The following PRKG1 variants were observed in gnomAD, a reference collection of about 807,000 sequenced individuals.
The protein encoded by PRKG1 is cGMP-dependent protein kinase 1.
PRKG1 carries 35 observed loss-of-function variants against 88.1 expected under a neutral mutation model. That is an observed-to-expected ratio of 0.40 (90% CI 0.30 to 0.53). The LOEUF is 0.53. Ranked by LOEUF, PRKG1 falls within the 20% of genes least tolerant of loss-of-function variation. The pLI is 0.59. For missense variants in PRKG1, 540 were observed against 839.8 expected (o/e 0.64, Z 4.41); for synonymous variants, 303 against 292.5 (o/e 1.04, Z -0.37).
At chr10:51,382,620 G>GT (rs2132631750) in intron 2 of PRKG1, among the ~76,000 whole-genome samples, 1 of 152,302 alleles carries the variant, frequency 6.6e-6, no homozygotes, top group African/African-American at 2.4e-5. Flanking sequence ...ATTAATATTT[G>GT]TGTCAGTTAA....
chr10:51,376,487 A>T (rs1842819250), intron 2 of PRKG1, among the ~76,000 whole-genome samples: 1 of 152,146 alleles, frequency 6.6e-6, no homozygotes, highest in Non-Finnish European at 1.5e-5. Flanking sequence ...CTTGTTTGCT[A>T]TTGAAAAAAA....
intron 4 of PRKG1, among the ~76,000 whole-genome samples, chr10:51,878,497 T>A (rs1841356580): frequency 1.3e-5 from 2 of 152,144 alleles, no homozygotes; most frequent in South Asian, 4.1e-4. Flanking sequence ...AAACTACTCA[T>A]ACAACCATTC....
intron 3 of PRKG1, among the ~76,000 whole-genome samples, chr10:51,471,280 G>C (rs1840042166): frequency 6.6e-6 from 1 of 151,774 alleles, no homozygotes; most frequent in African/African-American, 2.4e-5. Context: ...GTTATAGTTG[G>C]TTTCCACAGT....
chr10:51,285,030 T>G (rs1474294309), intron 2 of PRKG1, among the ~76,000 whole-genome samples: 1 of 43,794 alleles, frequency 2.3e-5, no homozygotes, highest in African/African-American at 8.3e-5. Flanking sequence ...TATCTCCCAA[T>G]GCTACCCCTC....
chr10:51,409,446 G>T (rs144398353), intron 2 of PRKG1, among the ~76,000 whole-genome samples: 28 of 152,222 alleles, frequency 1.8e-4, no homozygotes, highest in Non-Finnish European at 3.7e-4. Context: ...CCGCTTTATG[G>T]CTAGATGGGT....
At chr10:51,006,226 T>C (rs149229818) in intron 1 of PRKG1, among the ~76,000 whole-genome samples, 28 of 152,324 alleles carry the variant, frequency 1.8e-4, no homozygotes, top group African/African-American at 5.8e-4. Context: ...AATCAGCTAA[T>C]ATGTGGGAAG....
chr10:51,419,418 G>A lies in PRKG1; in HGVS notation c.479-48305G>A, dbSNP rs559863454. Reference sequence around the variant, plus strand: ...AACCTCCATGGATAAAGAAGAACATGACGTTTTTTGGTCATTATTATTATT... The same window carrying A: ...AACCTCCATGGATAAAGAAGAACATAACGTTTTTTGGTCATTATTATTATT... On this transcript the variant is annotated intron_variant, in intron 2 of 17. Transcript: ENST00000373980. Among the ~76,000 whole-genome samples, 18 of 152,250 alleles carry A rather than the reference G, an allele frequency of 1.2e-4. No individual in the cohort carries two copies. The South Asian group carries it at 3.3e-3, about 28-fold the overall frequency.
intron 7 of PRKG1, among the ~76,000 whole-genome samples, chr10:52,082,243 G>A (rs889200365): frequency 9.9e-5 from 15 of 152,168 alleles, no homozygotes; most frequent in South Asian, 8.3e-4. Flanking sequence ...GGTCCCTCCC[G>A]CAACATATGG....
intron 3 of PRKG1, among the ~76,000 whole-genome samples, chr10:51,662,643 A>G (rs111673540): frequency 2.5e-4 from 38 of 152,266 alleles, no homozygotes; most frequent in African/African-American, 8.7e-4. Context: ...ACATAAAACC[A>G]TTATATGATC....
chr10:52,251,577 G>A lies in PRKG1; in HGVS notation c.1084G>A (p.Ala362Thr). ...TCACATCAAAAAATCCAGATATGAA[G>A]CTGAAGCGGCTTTCTTCGCCAACCT... ...EDAEAKAKYE[A>T]EAAFFANLKL... is the part of the protein sequence containing the mutation. Residue 362 changes from alanine to threonine, a missense_variant, in exon 10 of 18, where the codon GCT becomes ACT. This residue lies in a region of PRKG1 where 400 missense variants were observed against 562.7 expected (regional missense o/e 0.71). Coordinates refer to ENST00000373980, the MANE Select transcript of PRKG1 (RefSeq NM_006258.4). The A allele has an allele frequency of 6.2e-7, 1 of 1,612,956 alleles. No homozygotes were observed. The highest frequency in any genetic ancestry group is 8.5e-7 in the Non-Finnish European group (1 of 1,179,204).
chr10:52,157,306 GATATATAT>G (rs142784154), intron 8 of PRKG1, among the ~76,000 whole-genome samples: 27 of 125,916 alleles, frequency 2.1e-4, no homozygotes, highest in African/African-American at 6.6e-4. Flanking sequence ...TGAGTTAGTT[GATATATAT>G]ATATATATAT....
chr10:51,932,527 T>G (rs895291671), intron 5 of PRKG1, among the ~76,000 whole-genome samples: 9 of 152,176 alleles, frequency 5.9e-5, no homozygotes, highest in Non-Finnish European at 1.0e-4. Context: ...CTAGATCTGC[T>G]ATACTGCCAC....
chr10:51,629,352 T>G (rs1353567866), intron 3 of PRKG1, among the ~76,000 whole-genome samples: 1 of 152,046 alleles, frequency 6.6e-6, no homozygotes, highest in Non-Finnish European at 1.5e-5. Flanking sequence ...ACACTTCATT[T>G]ATATTATTAC....
rs1346593154 is a variant in PRKG1 at position 50,991,685 on chromosome 10, C to T, written c.266+41C>T. The T allele has an allele frequency of 5.1e-6, 7 of 1,385,950 alleles. No homozygotes were observed. The highest frequency in any genetic ancestry group is 6.6e-6 in the Non-Finnish European group (7 of 1,063,314). The allele number at this position is 1,385,950 out of a possible 1,614,324, so 85.9% of individuals were successfully genotyped here. ...GTGGGCCCGGGCGCTCGTCCCGGCC[C>T]GCGGCGCAGAGGCTGGGGGCTCTGG... On this transcript the variant is annotated intron_variant, in intron 1 of 17. Transcript: ENST00000401604. This position sits in a 1 kb window ranked among gnomAD's most constrained non-coding sequence, Gnocchi z 4.5.
intron 2 of PRKG1, among the ~76,000 whole-genome samples, chr10:51,335,887 A>G (rs147317038): frequency 0.011 from 1,721 of 152,350 alleles, 10 homozygotes; most frequent in South Asian, 0.018. Flanking sequence ...ATTAAGTTTC[A>G]AGAATCCCTT....
chr10:52,079,450 A>G (rs1011641250), intron 7 of PRKG1, among the ~76,000 whole-genome samples: 3 of 152,168 alleles, frequency 2.0e-5, no homozygotes, highest in Non-Finnish European at 4.4e-5. Flanking sequence ...TCAGACAGAT[A>G]TGTCCATATG....
intron 1 of PRKG1, among the ~76,000 whole-genome samples, chr10:50,992,346 C>T (rs1181541599): frequency 2.6e-5 from 4 of 152,132 alleles, no homozygotes; most frequent in Non-Finnish European, 5.9e-5. Flanking sequence ...ACCTTCTGGA[C>T]GTTTCTTTGC....
At chr10:51,909,200 T>C (rs1434045648) in intron 5 of PRKG1, 1 of 152,180 alleles carries the variant, frequency 6.6e-6, no homozygotes, top group African/African-American at 2.4e-5. Context: ...AACAGTACAC[T>C]GAGGTGGAGA....
At chr10:52,063,025 G>C (rs1478087491) in intron 7 of PRKG1, among the ~76,000 whole-genome samples, 1 of 152,178 alleles carries the variant, frequency 6.6e-6, no homozygotes, top group Non-Finnish European at 1.5e-5. Flanking sequence ...ATTGTTATGG[G>C]GTCTTTGGGG....
Sources: gnomAD v4.1 joint callset for allele counts (sites outside exome capture counted in the v4.1 genomes callset) on GRCh38, gnomAD v4.1.1 for gene constraint, gnomAD v4.1.1 regional missense constraint, Gnocchi (gnomAD v3.1) non-coding constraint, MANE v1.5 for transcripts, NCBI Gene and HGNC (gene_info 2026-07-23, HGNC 2026-07-21) for gene names.